Variants in DACH2 observed in about 807,000 individuals in gnomAD.
DACH2 encodes the protein dachshund homolog 2.
Under a neutral mutation model 35.8 loss-of-function variants are expected in DACH2, and 17 were observed. That is an observed-to-expected ratio of 0.48 (90% CI 0.33 to 0.71). DACH2 has a LOEUF of 0.71. Among genes scored for constraint, DACH2 ranks in the 30% least tolerant of loss-of-function variants. The pLI is 0.02. For synonymous variants in DACH2, 195 were observed against 177.3 expected, an observed-to-expected ratio of 1.10 and a Z score of -0.79; for missense variants, 469 against 472.7, an observed-to-expected ratio of 0.99 and a Z score of 0.07.
intron 3 of DACH2, among the ~76,000 whole-genome samples, chrX:86,540,335 G>A (rs1016608296): frequency 9.0e-6 from 1 of 111,146 alleles, no homozygotes; most frequent in Non-Finnish European, 1.9e-5. Context: ...GAAATACCAG[G>A]AATATCACAA....
intron 2 of DACH2, among the ~76,000 whole-genome samples, chrX:86,469,832 CTGTGTGTGTT>C (rs1263672211): frequency 9.6e-6 from 1 of 104,594 alleles, no homozygotes; most frequent in Non-Finnish European, 2.0e-5. Context: ...ATGTATACGT[CTGTGTGTGTT>C]TGTGTGTGTG....
At chrX:86,537,926 C>A (rs143541632) in intron 3 of DACH2, among the ~76,000 whole-genome samples, 1,254 of 110,931 alleles carry the variant, frequency 0.011, 29 homozygotes, top group African/African-American at 0.04. Flanking sequence ...TCAGAAGCTC[C>A]CCTACTGAGC....
chrX:86,625,817 G>A (rs890913201), intron 3 of DACH2, among the ~76,000 whole-genome samples: 15 of 110,969 alleles, frequency 1.4e-4, no homozygotes, highest in Non-Finnish European at 2.8e-4. Context: ...AACAGCATGG[G>A]AAAACCCCAC....
intron 5 of DACH2, among the ~76,000 whole-genome samples, chrX:86,700,067 A>G (rs1356788606): frequency 9.0e-6 from 1 of 111,692 alleles, no homozygotes; most frequent in East Asian, 2.8e-4. Context: ...TGTGGCTGGT[A>G]TAATTTCACT....
intron 1 of DACH2, among the ~76,000 whole-genome samples, chrX:86,238,900 C>A (rs1159352647): frequency 9.0e-6 from 1 of 110,774 alleles, no homozygotes; most frequent in Non-Finnish European, 1.9e-5. Context: ...CTTAAACAAG[C>A]AAATGTAAAT....
chrX:86,488,350 A>T (rs900647080), intron 2 of DACH2, among the ~76,000 whole-genome samples: 1 of 111,288 alleles, frequency 9.0e-6, no homozygotes, highest in Non-Finnish European at 1.9e-5. Flanking sequence ...CCCTATCTGT[A>T]CAAATAAGAA....
At chrX:86,174,226 G>A (rs939297375) in intron 1 of DACH2, among the ~76,000 whole-genome samples, 2 of 104,751 alleles carry the variant, frequency 1.9e-5, no homozygotes, top group Non-Finnish European at 3.9e-5. Flanking sequence ...GAGCTCAAGC[G>A]ATCATACTGC....
intron 3 of DACH2, among the ~76,000 whole-genome samples, chrX:86,613,425 A>T (rs188907588): frequency 0.014 from 1,551 of 111,052 alleles, 30 homozygotes; most frequent in African/African-American, 0.048. Context: ...TGCTTATATT[A>T]AAAAAAACTT....
intron 4 of DACH2, among the ~76,000 whole-genome samples, chrX:86,688,736 G>T (rs979195340): frequency 8.9e-6 from 1 of 111,796 alleles, no homozygotes; most frequent in Admixed American, 9.5e-5. Context: ...AGATGCTGTA[G>T]ATACCTGTGT....
chrX:86,330,161 A>G (rs1176155432), intron 1 of DACH2, among the ~76,000 whole-genome samples: 1 of 112,125 alleles, frequency 8.9e-6, no homozygotes, highest in African/African-American at 3.2e-5. Flanking sequence ...ACAATTAAAT[A>G]GTTGTTTCCT....
In DACH2 at chrX:86,745,588, C is replaced by T. The variant is rs111357730; in HGVS notation, c.1240+5706C>T. On this transcript the variant is annotated intron_variant, in intron 7 of 11. Coordinates refer to ENST00000373125, the MANE Select transcript of DACH2 (RefSeq NM_053281.3). ...CCATCCATGTTGCTGCAAAGGACAT[C>T]GTCCTGTCCTTTTTTATGGCTGCAT... 2.7e-5 allele frequency among the ~76,000 whole-genome samples: 3 copies of T among 111,490 alleles called. No individual in the cohort carries two copies. The East Asian group carries it at 8.5e-4, about 32-fold the overall frequency.
chrX:86,440,573 C>A (rs996825225), intron 2 of DACH2, among the ~76,000 whole-genome samples: 1 of 111,348 alleles, frequency 9.0e-6, no homozygotes, highest in Non-Finnish European at 1.9e-5. Context: ...CTGACAATTT[C>A]TCTTCTTTAA....
At chrX:86,588,460 G>A (rs920303130) in intron 3 of DACH2, among the ~76,000 whole-genome samples, 3 of 111,868 alleles carry the variant, frequency 2.7e-5, no homozygotes, top group African/African-American at 9.7e-5. Flanking sequence ...TGGCAGTATG[G>A]CCATTTTAAC....
intron 1 of DACH2, among the ~76,000 whole-genome samples, chrX:86,280,462 A>G (rs1046236001): frequency 6.2e-5 from 7 of 112,212 alleles, no homozygotes; most frequent in Non-Finnish European, 1.1e-4. Flanking sequence ...AGCACTAAAC[A>G]TGGAAAGGAG....
intron 1 of DACH2, among the ~76,000 whole-genome samples, chrX:86,330,663 T>C (rs1371889250): frequency 8.9e-6 from 1 of 112,090 alleles, no homozygotes; most frequent in Non-Finnish European, 1.9e-5. Flanking sequence ...TTAAATGGTG[T>C]TAATTGACTG....
chrX:86,260,441 G>A (rs916301424), intron 1 of DACH2, among the ~76,000 whole-genome samples: 1 of 111,625 alleles, frequency 9.0e-6, no homozygotes, highest in Non-Finnish European at 1.9e-5. Context: ...TGGGTTCTCC[G>A]AATAGGTAAA....
intron 7 of DACH2, among the ~76,000 whole-genome samples, chrX:86,771,975 G>T (rs1235957241): frequency 9.0e-6 from 1 of 111,678 alleles, no homozygotes; most frequent in East Asian, 2.8e-4. Context: ...CTACAAGCTA[G>T]GGATTATGCT....
chrX:86,618,205 C>A (rs1382357366), intron 3 of DACH2, among the ~76,000 whole-genome samples: 1 of 111,924 alleles, frequency 8.9e-6, no homozygotes, highest in East Asian at 2.8e-4. Context: ...TTCGAGGCTG[C>A]AGTGAGTTAT....
At chrX:86,790,860 T>C (rs1213809059) in intron 7 of DACH2, among the ~76,000 whole-genome samples, 1 of 111,452 alleles carries the variant, frequency 9.0e-6, no homozygotes, top group African/African-American at 3.3e-5. Flanking sequence ...AACTTTTGAC[T>C]CTCCAAAAAC....
Sources: gnomAD v4.1 joint callset for allele counts (sites outside exome capture counted in the v4.1 genomes callset) on GRCh38, gnomAD v4.1.1 for gene constraint, MANE v1.5 for transcripts, NCBI Gene and HGNC (gene_info 2026-07-23, HGNC 2026-07-21) for gene names.